PLXNA4: variants seen among roughly 807,000 people sequenced by gnomAD.
The protein encoded by PLXNA4 is plexin-A4.
PLXNA4 carries 44 observed loss-of-function variants against 191.8 expected under a neutral mutation model. The ratio of observed to expected loss-of-function variants is 0.23; its 90% CI spans 0.18 to 0.29. PLXNA4 has a LOEUF of 0.29. Ranked by LOEUF, PLXNA4 falls within the 10% of genes least tolerant of loss-of-function variation. The pLI, the probability that PLXNA4 is intolerant of heterozygous loss-of-function variation, is 1.00. For synonymous variants in PLXNA4, 1,082 were observed against 1,009.5 expected (o/e 1.07, Z -1.36); for missense variants, 1,800 against 2,488.8 (o/e 0.72, Z 5.89).
At chr7:132,583,712 T>C (rs1802451630) in intron 2 of PLXNA4, among the ~76,000 whole-genome samples, 1 of 152,196 alleles carries the variant, frequency 6.6e-6, no homozygotes, top group East Asian at 1.9e-4. Flanking sequence ...CTGGCTCCAT[T>C]CTCCTTCTGG....
rs114569844 is a variant in PLXNA4, at chr7:132,480,763, G to A, written c.1371+8529C>T. Among the ~76,000 whole-genome samples, 611 of 152,238 alleles carry A rather than the reference G, an allele frequency of 4.0e-3. 4 individuals carry two copies. Among genetic ancestry groups the A allele is most frequent in the African/African-American group, 0.014 (570 of 41,532 alleles). On this transcript the variant is annotated intron_variant, in intron 3 of 31. Coordinates refer to ENST00000321063, the MANE Select transcript of PLXNA4 (RefSeq NM_020911.2). ...CCCTCCCTGTGGCCACCTCCCACTC[G>A]GCCACGGGATCCAAGCTCCAGCATA...
rs955140405 is a variant in PLXNA4 at position 132,187,584 on chromosome 7, C to T, written c.2880G>A (p.Lys960=). 6 of 1,613,596 alleles carry T rather than the reference C, an allele frequency of 3.7e-6. No homozygotes were observed. Among genetic ancestry groups the T allele is most frequent in the Non-Finnish European group, 5.1e-6 (6 of 1,179,700 alleles). Residue 960 remains lysine, a synonymous_variant, in exon 15 of 32, where the codon AAG becomes AAA. Coordinates refer to ENST00000321063, the MANE Select transcript of PLXNA4 (RefSeq NM_020911.2). The part of the protein sequence containing the change: ...YFMTLTLSDL[K]PSRGPMSGGT... ...CTCCGGACATGGGCCCCCGGCTGGG[C>T]TTCAGATCTGAGAGAGTCAGTGTCT...
In PLXNA4 at chr7:132,228,484, C is replaced by A; in HGVS notation, c.1605-15G>T. The A allele has an allele frequency of 6.2e-7, 1 of 1,613,784 alleles. No individual in the cohort carries two copies. The highest frequency in any genetic ancestry group is 1.3e-5 in the African/African-American group (1 of 75,022). The stretch of plus-strand genomic sequence containing the variant: ...TCCGGGTGCAACTGGGAAGGACATA[C>A]CCTCGAGTTACTCAGGAGATGGCCG... On this transcript the variant is annotated splice_polypyrimidine_tract_variant and intron_variant, in intron 5 of 31. Coordinates refer to ENST00000321063, the MANE Select transcript of PLXNA4 (RefSeq NM_020911.2).
intron 2 of PLXNA4, among the ~76,000 whole-genome samples, chr7:132,632,298 G>A (rs1803508132): frequency 6.6e-6 from 1 of 150,426 alleles, no homozygotes. Context: ...TAGAATTTCT[G>A]AAATTAGAGC....
At chr7:132,365,305 C>A (rs78987087) in intron 3 of PLXNA4, among the ~76,000 whole-genome samples, 1 of 151,790 alleles carries the variant, frequency 6.6e-6, no homozygotes, top group African/African-American at 2.4e-5. Context: ...ATGCCCTGCT[C>A]CCCCGGTCTT....
chr7:132,301,030 G>A (rs766601336), intron 3 of PLXNA4, among the ~76,000 whole-genome samples: 3 of 152,202 alleles, frequency 2.0e-5, no homozygotes, highest in African/African-American at 4.8e-5. Flanking sequence ...GGGTGGATGA[G>A]GAAGCACCAA....
chr7:132,296,059 C>A (rs1373197417), intron 4 of PLXNA4, among the ~76,000 whole-genome samples: 1 of 152,200 alleles, frequency 6.6e-6, no homozygotes, highest in Non-Finnish European at 1.5e-5. Flanking sequence ...CTACAAATCT[C>A]CACCAAGAAT....
intron 2 of PLXNA4, among the ~76,000 whole-genome samples, chr7:132,494,366 G>C (rs1216426318): frequency 1.3e-5 from 2 of 152,274 alleles, no homozygotes; most frequent in East Asian, 3.9e-4. Context: ...TTGGGTGGGG[G>C]CTCAGACATC....
chr7:132,223,623 C>A lies in PLXNA4; in HGVS notation c.2001G>T (p.Glu667Asp). 1 of 1,613,480 alleles carries A rather than the reference C, an allele frequency of 6.2e-7. No homozygotes were observed. Among genetic ancestry groups the A allele is most frequent in the South Asian group, 1.1e-5 (1 of 90,824 alleles). ...SVHNSCLSCVESPYRCHWCKY... is the reference protein window; with the variant it reads ...SVHNSCLSCVDSPYRCHWCKY... ...TACACCAGTGGCAGCGGTATGGACT[C>A]TCCACGCAGGACAGGCACCTGGGCA... The change falls in exon 9 of 32, where the codon GAG (glutamate) becomes GAT (aspartate). Residue 667 changes from glutamate to aspartate, a missense_variant. By Grantham distance (45) the Glu-to-Asp change is conservative. This residue lies in a region of PLXNA4 where 1,397 missense variants were observed against 1,880.4 expected (regional missense o/e 0.74). Transcript: ENST00000321063.
chr7:132,356,662 C>A (rs12536340), intron 3 of PLXNA4, among the ~76,000 whole-genome samples: 14,649 of 152,244 alleles, frequency 0.096, 941 homozygotes, highest in Admixed American at 0.22. Flanking sequence ...CATGCCAGAA[C>A]AAGGACACAG....
chr7:132,426,237 T>C (rs1795037927), intron 3 of PLXNA4, among the ~76,000 whole-genome samples: 1 of 152,162 alleles, frequency 6.6e-6, no homozygotes, highest in African/African-American at 2.4e-5. Context: ...CCGCCATGGC[T>C]CATCAGCCCT....
chr7:132,127,980 TC>T lies in PLXNA4; in HGVS notation c.*2498del, dbSNP rs1269579399. ...TTTTTTCTGCTTGTTTGATTTTTTCTCTTAACTGTGCAAAAAAAAAAAAAAA... is the reference window on the plus strand; with the variant it reads ...TTTTTTCTGCTTGTTTGATTTTTTCTTTAACTGTGCAAAAAAAAAAAAAAA... On this transcript the variant is annotated 3_prime_UTR_variant, in exon 32 of 32. Transcript: ENST00000321063. The T allele has an allele frequency of 7.9e-6, 1 of 127,110 alleles. No homozygotes were observed. The highest frequency in any genetic ancestry group is 2.2e-4 in the East Asian group (1 of 4,632). The allele number at this position is 127,110 out of a possible 1,614,324, so 7.9% of individuals were successfully genotyped here.
chr7:132,222,287 G>A (rs1001109245), intron 9 of PLXNA4, among the ~76,000 whole-genome samples: 1 of 152,192 alleles, frequency 6.6e-6, no homozygotes, highest in East Asian at 1.9e-4. Flanking sequence ...ACCGTGCTAT[G>A]GGAGCCCCCA....
intron 2 of PLXNA4, among the ~76,000 whole-genome samples, chr7:132,599,101 T>G (rs183358816): frequency 6.6e-6 from 1 of 152,340 alleles, no homozygotes; most frequent in Admixed American, 6.5e-5. Flanking sequence ...TCCATTGATT[T>G]TTTTGGCTGT....
chr7:132,596,601 C>T (rs1421538515), intron 2 of PLXNA4, among the ~76,000 whole-genome samples: 1 of 152,086 alleles, frequency 6.6e-6, no homozygotes, highest in Non-Finnish European at 1.5e-5. Context: ...TAAAAAGTTA[C>T]GGAAGTTGTC....
intron 22 of PLXNA4, among the ~76,000 whole-genome samples, chr7:132,166,353 C>T (rs1796122179): frequency 6.6e-6 from 1 of 150,628 alleles, no homozygotes; most frequent in South Asian, 2.1e-4. Context: ...ACAACACAAG[C>T]CCATCTACTC....
Position 132,437,353 on chromosome 7 carries a change from C to T in PLXNA4, c.1371+51939G>A, listed in dbSNP as rs115250080. ...CCCTTAAAGTATCCGAAGAAATTGA[C>T]TCCTGAGGGGCAGAAATCTAGCAAG... On this transcript the variant is annotated intron_variant, in intron 3 of 31. Coordinates refer to ENST00000321063, the MANE Select transcript of PLXNA4 (RefSeq NM_020911.2). 3.7e-3 allele frequency among the ~76,000 whole-genome samples: 560 copies of T among 152,318 alleles called. 1 individual carries two copies. Among genetic ancestry groups the T allele is most frequent in the African/African-American group, 0.013 (546 of 41,564 alleles).
intron 5 of PLXNA4, among the ~76,000 whole-genome samples, chr7:132,235,205 C>T (rs573486784): frequency 7.9e-5 from 12 of 152,324 alleles, no homozygotes; most frequent in African/African-American, 2.9e-4. Flanking sequence ...CCTCTGCTCC[C>T]ACAGTCGAGG....
intron 30 of PLXNA4, among the ~76,000 whole-genome samples, chr7:132,136,951 A>T (rs1795130909): frequency 1.3e-5 from 2 of 152,132 alleles, no homozygotes; most frequent in African/African-American, 4.8e-5. Flanking sequence ...TGACTTCCCC[A>T]CTATGATGCT....
Sources: gnomAD v4.1 joint callset for allele counts (sites outside exome capture counted in the v4.1 genomes callset) on GRCh38, gnomAD v4.1.1 for gene constraint, gnomAD v4.1.1 regional missense constraint, MANE v1.5 for transcripts, NCBI Gene and HGNC (gene_info 2026-07-23, HGNC 2026-07-21) for gene names.